The following MS4A14 variants were observed in gnomAD, a reference collection of about 807,000 sequenced individuals.
The protein encoded by MS4A14 is membrane spanning 4-domains A14, also known as membrane-spanning 4-domains subfamily A member 14.
In MS4A14, 18 loss-of-function variants were observed where a neutral mutation model predicts 16.7. The observed-to-expected ratio is 1.08, with a 90% CI of 0.75 to 1.60. The LOEUF is 1.60. MS4A14 is among the 40% of genes most tolerant of loss of function. The probability of loss-of-function intolerance (pLI) is 0.00; values close to 1 mark genes in which losing one functional copy is unlikely to be tolerated. For missense variants in MS4A14, 812 were observed against 775.3 expected (o/e 1.05, Z -0.56); for synonymous variants, 305 against 289.4 (o/e 1.05, Z -0.55).
Position 60,396,628 on chromosome 11 carries a change from A to C in MS4A14, c.50A>C (p.Lys17Thr). The change falls in exon 1 of 5, where the codon AAA becomes ACA. Residue 17 changes from lysine to threonine, a missense_variant. Physicochemically the swap from Lys to Thr is moderately conservative, Grantham distance 78 (BLOSUM62 -1). Transcript: ENST00000300187. ...AGGGCAACTCACGTCATCACTATAA[A>C]ACCAAACGAAACTGTATTGACTGCA... ...DRRATHVITI[K>T]PNETVLTAFP... 2.5e-6 allele frequency: 4 copies of C among 1,614,012 alleles called. No individual in the cohort carries two copies. Among genetic ancestry groups the C allele is most frequent in the South Asian group, 2.2e-5 (2 of 91,038 alleles).
At chr11:60,407,432 G>A (rs1565176786) in intron 4 of MS4A14, among the ~76,000 whole-genome samples, 1 of 152,138 alleles carries the variant, frequency 6.6e-6, no homozygotes, top group Non-Finnish European at 1.5e-5. Context: ...ACTTCTCCTG[G>A]AGTGTTGCAT....
Position 60,416,615 on chromosome 11 carries a change from T to C in MS4A14, c.1647T>C (p.Asp549=). 1 of 1,613,828 alleles carries C rather than the reference T, an allele frequency of 6.2e-7. No individual in the cohort carries two copies. The highest frequency in any genetic ancestry group is 8.5e-7 in the Non-Finnish European group (1 of 1,179,958). The stretch of plus-strand genomic sequence containing the variant: ...TATCCCCAAAGAGGCACTCCGTAGA[T>C]AAGCAAGCTCAACTTAATCAAACTA... ...DWLSPKRHSV[D]KQAQLNQTKE... is the part of the protein sequence containing the mutation. The change falls in exon 5 of 5, where the codon GAT becomes GAC. Residue 549 remains aspartate, a synonymous_variant. Transcript: ENST00000300187.
chr11:60,399,524 C>T (rs150275592), intron 2 of MS4A14, among the ~76,000 whole-genome samples: 134 of 152,224 alleles, frequency 8.8e-4, no homozygotes, highest in African/African-American at 3.1e-3. Context: ...AGCCACTGAA[C>T]GTTTTTAAAG....
At chr11:60,412,021 T>G (rs1024602947) in intron 4 of MS4A14, among the ~76,000 whole-genome samples, 6 of 152,054 alleles carry the variant, frequency 3.9e-5, no homozygotes, top group Non-Finnish European at 8.8e-5. Context: ...GATGACTGTG[T>G]GGGGGTTTTC....
chr11:60,400,396 C>A lies in MS4A14; in HGVS notation c.268-8C>A. 6.3e-7 allele frequency: 1 copy of A among 1,594,894 alleles called. No homozygotes were observed. ...CCTGTTAACTTTTGTCTCTTGTCTT[C>A]TTAACAGTTTATTCTTACAGGATAC... On this transcript the variant is annotated splice_region_variant and splice_polypyrimidine_tract_variant and intron_variant, in intron 2 of 4. Coordinates refer to ENST00000300187, the MANE Select transcript of MS4A14 (RefSeq NM_032597.5).
rs929162303 is a variant in MS4A14 at position 60,416,776 on chromosome 11, A to T, written c.1808A>T (p.Asp603Val). ...KEQNSKKQTQ[D>V]QQTEDQPAQE... Reference sequence around the variant, plus strand: ...CAAAACTCAAAGAAGCAAACCCAGGATCAGCAAACTGAAGACCAGCCGGCC... The same window carrying T: ...CAAAACTCAAAGAAGCAAACCCAGGTTCAGCAAACTGAAGACCAGCCGGCC... The change falls in exon 5 of 5, where the codon GAT (aspartate) becomes GTT (valine). Residue 603 changes from aspartate (D) to valine (V), a missense_variant. Transcript: ENST00000300187. The T allele has an allele frequency of 6.2e-7, 1 of 1,613,546 alleles. No homozygotes were observed. Among genetic ancestry groups the T allele is most frequent in the African/African-American group, 1.3e-5 (1 of 74,904 alleles).
At chr11:60,396,800 G>T in intron 1 of MS4A14, 84 bp downstream of exon 1, 1 of 1,354,372 alleles carries the variant, frequency 7.4e-7, no homozygotes, top group Non-Finnish European at 1.0e-6. Flanking sequence ...GATATGCAGA[G>T]ATTATTTTCA....
rs749791068 is a variant in MS4A14, at chr11:60,397,884, G to A, written c.171G>A (p.Val57=). The A allele has an allele frequency of 1.9e-5, 30 of 1,613,108 alleles. No individual in the cohort carries two copies. The highest frequency in any genetic ancestry group is 2.5e-5 in the Non-Finnish European group (29 of 1,179,306). Residue 57 remains valine (V), a synonymous_variant, in exon 2 of 5, where the codon GTG becomes GTA. Transcript: ENST00000300187. ...ATQILLALII[V]GFGTIFALNY... ...AGATCCTGCTTGCTCTAATCATTGT[G>A]GGCTTTGGAACTATATTTGCACTTA...
chr11:60,413,090 C>T (rs1016718596), intron 4 of MS4A14, among the ~76,000 whole-genome samples: 3 of 151,670 alleles, frequency 2.0e-5, no homozygotes, highest in African/African-American at 7.3e-5. Context: ...GTAATTATTT[C>T]ATTTTTTCTT....
At chr11:60,414,820 C>A (rs2085915102) in intron 4 of MS4A14, among the ~76,000 whole-genome samples, 1 of 152,194 alleles carries the variant, frequency 6.6e-6, no homozygotes, top group Middle Eastern at 3.4e-3. Flanking sequence ...TGACTCCTGT[C>A]TTATTTCATC....
chr11:60,406,024 AGGTTCCT>A, intron 4 of MS4A14: 2 of 1,312,562 alleles, frequency 1.5e-6, no homozygotes, highest in Non-Finnish European at 2.0e-6. Flanking sequence ...TTAAGAGAAC[AGGTTCCT>A]GTTCCTGTTG....
At chr11:60,410,315 G>C (rs2085849727) in intron 4 of MS4A14, among the ~76,000 whole-genome samples, 1 of 152,092 alleles carries the variant, frequency 6.6e-6, no homozygotes, top group Non-Finnish European at 1.5e-5. Flanking sequence ...TTTGTTTTTT[G>C]TTGTTGAATT....
At chr11:60,412,399 C>G (rs1006613219) in intron 4 of MS4A14, among the ~76,000 whole-genome samples, 2 of 151,062 alleles carry the variant, frequency 1.3e-5, no homozygotes, top group African/African-American at 2.4e-5. Context: ...GATTACGAAT[C>G]TTTTTACTTG....
chr11:60,408,803 C>A (rs549792288), intron 4 of MS4A14, among the ~76,000 whole-genome samples: 2 of 152,234 alleles, frequency 1.3e-5, no homozygotes, highest in South Asian at 4.1e-4. Flanking sequence ...GTTTTCAATT[C>A]TTTTGGATAC....
At chr11:60,406,230 G>T (rs531757575) in intron 4 of MS4A14, among the ~76,000 whole-genome samples, 5 of 152,228 alleles carry the variant, frequency 3.3e-5, no homozygotes, top group African/African-American at 1.2e-4. Context: ...TCTCTGTTAA[G>T]ACATAGCTCC....
At chr11:60,402,813 G>A (rs2085733672) in intron 3 of MS4A14, 99 bp from the exon 4 acceptor site, 1 of 1,165,216 alleles carries the variant, frequency 8.6e-7, no homozygotes, top group African/African-American at 1.5e-5. Flanking sequence ...TCTTCCCTGA[G>A]AAGTATCTGG....
intron 4 of MS4A14, among the ~76,000 whole-genome samples, chr11:60,414,408 AG>A (rs1165199090): frequency 3.9e-5 from 6 of 152,102 alleles, no homozygotes; most frequent in African/African-American, 1.4e-4. Context: ...TTAGCAAACG[AG>A]GTAAGCATAA....
intron 4 of MS4A14, among the ~76,000 whole-genome samples, chr11:60,410,376 T>C (rs2085850411): frequency 6.6e-6 from 1 of 152,198 alleles, no homozygotes; most frequent in South Asian, 2.1e-4. Flanking sequence ...GACATATGAT[T>C]TGCAAATATT....
At chr11:60,406,328 T>C (rs2085785712) in intron 4 of MS4A14, among the ~76,000 whole-genome samples, 1 of 152,168 alleles carries the variant, frequency 6.6e-6, no homozygotes, top group South Asian at 2.1e-4. Context: ...GATCATAAGA[T>C]GTGTGACACA....
Sources: gnomAD v4.1 joint callset for allele counts (sites outside exome capture counted in the v4.1 genomes callset) on GRCh38, gnomAD v4.1.1 for gene constraint, MANE v1.5 for transcripts, NCBI Gene and HGNC (gene_info 2026-07-23, HGNC 2026-07-21) for gene names.